Variants in SMLR1 observed in about 807,000 individuals in gnomAD.
The protein encoded by SMLR1 is small leucine rich protein 1, also known as small leucine-rich protein 1.
Under a neutral mutation model 6.1 loss-of-function variants are expected in SMLR1, and 3 were observed. The observed-to-expected ratio is 0.49, with a 90% CI of 0.22 to 1.28. SMLR1 has a LOEUF of 1.28. Ranked by LOEUF, SMLR1 falls within the 50% of genes most tolerant of loss-of-function variation. The pLI, the probability that SMLR1 is intolerant of heterozygous loss-of-function variation, is 0.19. For missense variants in SMLR1, 126 were observed against 124.8 expected (o/e 1.01, Z -0.05); for synonymous variants, 55 against 53.6 (o/e 1.03, Z -0.11).
rs887224618 is a variant in SMLR1, at chr6:130,835,937, C to T, written c.*982C>T. 6.6e-6 allele frequency: 1 copy of T among 152,164 alleles called. No individual in the cohort carries two copies. The highest frequency in any genetic ancestry group is 2.4e-5 in the African/African-American group (1 of 41,442). 9.4% of individuals were successfully genotyped at this position (152,164 alleles called of 1,614,324 possible). A position where few individuals can be genotyped will look rare whatever the true frequency, so the allele number is the denominator to read the frequency against. On this transcript the variant is annotated 3_prime_UTR_variant, in exon 2 of 2. Transcript: ENST00000541421. Reference sequence around the variant, plus strand: ...GTTACATTCCAATCTTTGTGCAGGACATTAACAGGCTGAGTGATCCACTTT... The same window carrying T: ...GTTACATTCCAATCTTTGTGCAGGATATTAACAGGCTGAGTGATCCACTTT...
At chr6:130,828,346 C>T (rs1199659742) in intron 1 of SMLR1, among the ~76,000 whole-genome samples, 1 of 152,144 alleles carries the variant, frequency 6.6e-6, no homozygotes, top group Non-Finnish European at 1.5e-5. Context: ...ACTAGATAGA[C>T]TATGTGTTAA....
chr6:130,836,440 A>G lies in SMLR1; in HGVS notation c.*1485A>G, dbSNP rs1478700871. ...CAGCTGCCAGCCACATTTGTGGCTC[A>G]GCTATCAAGGTTTGCTCCATCTTCC... On this transcript the variant is annotated 3_prime_UTR_variant, in exon 2 of 2. Coordinates refer to ENST00000541421, the MANE Select transcript of SMLR1 (RefSeq NM_001195597.2). The G allele has an allele frequency of 1.3e-5, 2 of 152,310 alleles. No individual in the cohort carries two copies. Among genetic ancestry groups the G allele is most frequent in the Admixed American group, 6.5e-5 (1 of 15,290 alleles). The allele number at this position is 152,310 out of a possible 1,614,324, so 9.4% of individuals were successfully genotyped here.
Position 130,827,591 on chromosome 6 carries a change from C to T in SMLR1, c.178C>T (p.Leu60Phe). 6.5e-7 allele frequency: 1 copy of T among 1,535,916 alleles called. No homozygotes were observed. Among genetic ancestry groups the T allele is most frequent in the Non-Finnish European group, 8.7e-7 (1 of 1,146,818 alleles). The stretch of plus-strand genomic sequence containing the variant: ...CTGGTTCCTGTTCTTTGGGGTCTTC[C>T]TCCCCGTGACTTTGCTGCTGCTCCT... ...PGWFLFFGVFLPVTLLLLLLI... is the reference protein window; with the variant it reads ...PGWFLFFGVFFPVTLLLLLLI... The change falls in exon 1 of 2, where the codon CTC becomes TTC. Residue 60 changes from leucine to phenylalanine, a missense_variant. Coordinates refer to ENST00000541421, the MANE Select transcript of SMLR1 (RefSeq NM_001195597.2).
At chr6:130,833,221 T>G (rs2128384784) in intron 1 of SMLR1, among the ~76,000 whole-genome samples, 1 of 152,310 alleles carries the variant, frequency 6.6e-6, no homozygotes, top group Non-Finnish European at 1.5e-5. Flanking sequence ...GCAAAGACAC[T>G]TAATTCACTG....
chr6:130,829,890 C>G (rs934265150), intron 1 of SMLR1, among the ~76,000 whole-genome samples: 5 of 152,142 alleles, frequency 3.3e-5, no homozygotes, highest in Non-Finnish European at 7.4e-5. Context: ...CGATGAGGGT[C>G]CATGCTCACT....
chr6:130,832,868 A>G (rs1774508830), intron 1 of SMLR1, among the ~76,000 whole-genome samples: 1 of 152,142 alleles, frequency 6.6e-6, no homozygotes, highest in African/African-American at 2.4e-5. Flanking sequence ...CAATTGTGGG[A>G]CAGTTTTAAA....
Position 130,834,904 on chromosome 6 carries a change from A to T in SMLR1, c.273A>T (p.Gln91His), listed in dbSNP as rs1184742806. The T allele has an allele frequency of 7.8e-6, 12 of 1,535,424 alleles. No homozygotes were observed. Among genetic ancestry groups the T allele is most frequent in the Non-Finnish European group, 9.6e-6 (11 of 1,146,382 alleles). The stretch of plus-strand genomic sequence containing the variant: ...AACTGTCCCAGAACTGTGATCGCCA[A>T]CATAATCCCAAGGATGGCTCTTCCC... ...NEELSQNCDR[Q>H]HNPKDGSSLY... The change falls in exon 2 of 2, where the codon CAA becomes CAT. Residue 91 changes from glutamine (Q) to histidine (H), a missense_variant. Transcript: ENST00000541421.
chr6:130,831,996 A>G (rs1270590722), intron 1 of SMLR1, among the ~76,000 whole-genome samples: 1 of 152,166 alleles, frequency 6.6e-6, no homozygotes, highest in Admixed American at 6.5e-5. Flanking sequence ...ATTCTCTAAC[A>G]TCCCGCACTC....
intron 1 of SMLR1, among the ~76,000 whole-genome samples, chr6:130,832,737 C>T (rs995295323): frequency 5.9e-5 from 9 of 152,150 alleles, no homozygotes; most frequent in African/African-American, 2.2e-4. Flanking sequence ...AAAGAGCATT[C>T]GAACCCTGGC....
intron 1 of SMLR1, among the ~76,000 whole-genome samples, chr6:130,829,373 T>C (rs73774098): frequency 0.026 from 3,893 of 152,288 alleles, 166 homozygotes; most frequent in African/African-American, 0.09. Context: ...GTCTATGGTA[T>C]TTTATTTAGA....
intron 1 of SMLR1, among the ~76,000 whole-genome samples, chr6:130,833,401 GC>G (rs1583398489): frequency 6.6e-6 from 1 of 152,226 alleles, no homozygotes; most frequent in Admixed American, 6.5e-5. Flanking sequence ...TGTGCAGTTA[GC>G]CATTGGTAAT....
At chr6:130,829,362 G>C (rs1032164055) in intron 1 of SMLR1, among the ~76,000 whole-genome samples, 5 of 152,082 alleles carry the variant, frequency 3.3e-5, no homozygotes, top group Admixed American at 6.5e-5. Flanking sequence ...CATGTAAATG[G>C]GTCTATGGTA....
rs1774426054 is a variant in SMLR1 at position 130,830,933 on chromosome 6, T to G, written c.238+3282T>G. ...TATAATCAAGAACTAACCATAAAAA[T>G]GGGCAACCAGCAGCCCTCGGGGCTG... On this transcript the variant is annotated intron_variant, in intron 1 of 1. Transcript: ENST00000541421. Among the ~76,000 whole-genome samples, 4 of 151,844 alleles carry G rather than the reference T, an allele frequency of 2.6e-5. No homozygotes were observed. In the South Asian group the frequency reaches 8.3e-4, roughly 31 times the overall value.
At chr6:130,831,065 C>A (rs1251542571) in intron 1 of SMLR1, among the ~76,000 whole-genome samples, 3 of 152,224 alleles carry the variant, frequency 2.0e-5, no homozygotes, top group Non-Finnish European at 2.9e-5. Flanking sequence ...TCCAAGAACT[C>A]TCTCGGGGTC....
At chr6:130,833,449 A>T (rs1312867920) in intron 1 of SMLR1, among the ~76,000 whole-genome samples, 1 of 152,184 alleles carries the variant, frequency 6.6e-6, no homozygotes, top group African/African-American at 2.4e-5. Context: ...TATTTCAGTG[A>T]GTTAAAAGTC....
intron 1 of SMLR1, among the ~76,000 whole-genome samples, chr6:130,829,907 A>T (rs1188052945): frequency 3.9e-5 from 6 of 152,208 alleles, no homozygotes; most frequent in Non-Finnish European, 8.8e-5. Flanking sequence ...CACTGGGTAG[A>T]GTCATTACAC....
At chr6:130,832,797 G>A (rs566219578) in intron 1 of SMLR1, among the ~76,000 whole-genome samples, 2 of 152,224 alleles carry the variant, frequency 1.3e-5, no homozygotes, top group South Asian at 2.1e-4. Flanking sequence ...CTGGAGTATC[G>A]AGTCCTCAGT....
chr6:130,827,458 T>A lies in SMLR1; in HGVS notation c.45T>A (p.Thr15=). Residue 15 remains threonine (T), a synonymous_variant, in exon 1 of 2, where the codon ACT becomes ACA. Coordinates refer to ENST00000541421, the MANE Select transcript of SMLR1 (RefSeq NM_001195597.2). ...GCCCCAGAAGAAAACAAGTACAGACTCAGAGGAAAGCTGCCCTGGTCCTGA... is the reference window on the plus strand; with the variant it reads ...GCCCCAGAAGAAAACAAGTACAGACACAGAGGAAAGCTGCCCTGGTCCTGA... ...GRSPRRKQVQ[T]QRKAALVLSV... is the part of the protein sequence containing the mutation. 6.5e-7 allele frequency: 1 copy of A among 1,535,914 alleles called. No individual in the cohort carries two copies. Among genetic ancestry groups the A allele is most frequent in the East Asian group, 2.4e-5 (1 of 40,902 alleles).
rs1239327759 is a variant in SMLR1, at chr6:130,835,829, A to G, written c.*874A>G. On this transcript the variant is annotated 3_prime_UTR_variant, in exon 2 of 2. Coordinates refer to ENST00000541421, the MANE Select transcript of SMLR1 (RefSeq NM_001195597.2). ...ACTTAATTCTAGGGGTAGTTAAACG[A>G]GATTGTGGTTACTGTTGTGCTCCCC... The G allele has an allele frequency of 6.6e-6, 1 of 152,192 alleles. No individual in the cohort carries two copies. The highest frequency in any genetic ancestry group is 1.9e-4 in the East Asian group (1 of 5,200). The allele number at this position is 152,192 out of a possible 1,614,324, so 9.4% of individuals were successfully genotyped here.
Sources: allele counts gnomAD v4.1 joint callset (sites outside exome capture counted in the v4.1 genomes callset), GRCh38; gene constraint gnomAD v4.1.1; transcripts MANE v1.5; gene names NCBI Gene and HGNC (gene_info 2026-07-23, HGNC 2026-07-21).